LUC7L3: variants seen among roughly 807,000 people sequenced by gnomAD.
The protein encoded by LUC7L3 is luc7-like protein 3.
A neutral mutation model predicts 66.8 loss-of-function variants in LUC7L3; 6 were observed. The ratio of observed to expected loss-of-function variants is 0.09; its 90% CI spans 0.05 to 0.18. The LOEUF (loss-of-function observed/expected upper bound fraction) is 0.18. Ranked by LOEUF, LUC7L3 falls within the 10% of genes least tolerant of loss-of-function variation. The pLI, the probability that LUC7L3 is intolerant of heterozygous loss-of-function variation, is 1.00. For missense variants in LUC7L3, 341 were observed against 531.1 expected (o/e 0.64, Z 3.52); for synonymous variants, 160 against 174.7 (o/e 0.92, Z 0.66).
At chr17:50,740,172 T>C in intron 2 of LUC7L3, 134 bp from the exon 3 acceptor site, 1 of 666,976 alleles carries the variant, frequency 1.5e-6, no homozygotes, top group Non-Finnish European at 2.6e-6. Context: ...TAGGATCAGT[T>C]TAGATGTCTA....
At position 50,751,023 on chromosome 17, in the gene LUC7L3, GTTT is replaced by G. The variant is rs11385262; in HGVS notation, c.*371_*373del. 4.2e-6 allele frequency: 5 copies of G among 1,187,556 alleles called. No homozygotes were observed. The highest frequency in any genetic ancestry group is 3.7e-5 in the South Asian group (2 of 53,966). The allele number at this position is 1,187,556 out of a possible 1,614,324, so 73.6% of individuals were successfully genotyped here. A position where few individuals can be genotyped will look rare whatever the true frequency, so the allele number is the denominator to read the frequency against. ...TTTTTTTTAATAAAAAGGTTGAACT[GTTT>G]TTTTTTTTCTTTTTGGTATTAAGTC... On this transcript the variant is annotated 3_prime_UTR_variant, in exon 10 of 10. Transcript: ENST00000505658.
chr17:50,727,168 TCC>T (rs1392788580), intron 1 of LUC7L3, among the ~76,000 whole-genome samples: 19 of 152,218 alleles, frequency 1.2e-4, no homozygotes, highest in Non-Finnish European at 1.9e-4. Context: ...TTGTAAGGCT[TCC>T]AGTCAGTGGT....
intron 1 of LUC7L3, among the ~76,000 whole-genome samples, chr17:50,726,844 C>CT (rs775445799): frequency 6.6e-6 from 1 of 151,998 alleles, no homozygotes; most frequent in Non-Finnish European, 1.5e-5. Context: ...AATCCCAGCA[C>CT]TTTGGGAGGC....
rs1970497168 is a variant in LUC7L3, at chr17:50,743,750, G to A, written c.471G>A (p.Gly157=). 6.2e-7 allele frequency: 1 copy of A among 1,613,954 alleles called. No homozygotes were observed. Among genetic ancestry groups the A allele is most frequent in the Non-Finnish European group, 8.5e-7 (1 of 1,179,890 alleles). Residue 157 remains glycine (G), a synonymous_variant, in exon 6 of 10, where the codon GGG becomes GGA. Transcript: ENST00000505658. ...GSEGKVEEAQ[G]MMKLVEQLKE... ...AAGGAAAAGTAGAAGAAGCCCAGGG[G>A]ATGATGAAATTAGTTGAGCAATTAA...
At chr17:50,746,397 AT>A in intron 8 of LUC7L3, 144 bp from the exon 9 acceptor site, 1 of 754,504 alleles carries the variant, frequency 1.3e-6, no homozygotes. Flanking sequence ...AAGATTTTCA[AT>A]AATTTTTAGT....
chr17:50,745,185 G>A (rs1970590457), intron 7 of LUC7L3, among the ~76,000 whole-genome samples: 2 of 151,980 alleles, frequency 1.3e-5, no homozygotes, highest in South Asian at 2.1e-4. Context: ...TAGAGACGGG[G>A]TTTTTTCCTG....
intron 7 of LUC7L3, 120 bp downstream of exon 7, chr17:50,744,933 T>A: frequency 1.3e-6 from 1 of 741,086 alleles, no homozygotes; most frequent in Non-Finnish European, 2.1e-6. Context: ...TGCCTCAGCC[T>A]CCTGAGTAGC....
chr17:50,753,087 T>C lies in LUC7L3; in HGVS notation c.*2426T>C. 6.6e-6 allele frequency: 1 copy of C among 152,168 alleles called. No homozygotes were observed. The highest frequency in any genetic ancestry group is 1.9e-4 in the East Asian group (1 of 5,196). 9.4% of individuals were successfully genotyped at this position (152,168 alleles called of 1,614,324 possible). A position where few individuals can be genotyped will look rare whatever the true frequency, so the allele number is the denominator to read the frequency against. On this transcript the variant is annotated 3_prime_UTR_variant, in exon 10 of 10. Coordinates refer to ENST00000505658, the MANE Select transcript of LUC7L3 (RefSeq NM_016424.5). The stretch of plus-strand genomic sequence containing the variant: ...TAAATGTATTTGTGTATAGGGTGTG[T>C]AGTATATATGGCAAGGGTTTTTTCC...
chr17:50,744,494 C>G (rs1166586895), intron 6 of LUC7L3, among the ~76,000 whole-genome samples, 158 bp from the exon 7 acceptor site: 4 of 152,218 alleles, frequency 2.6e-5, no homozygotes, highest in African/African-American at 9.6e-5. Flanking sequence ...AAACATCCCT[C>G]TCTAAAAGTT....
chr17:50,744,369 A>G (rs1970532924), intron 6 of LUC7L3, among the ~76,000 whole-genome samples: 1 of 152,256 alleles, frequency 6.6e-6, no homozygotes, highest in Admixed American at 6.5e-5. Flanking sequence ...ATACTAAAAT[A>G]GGTGGCTTTC....
rs1971059091 is a variant in LUC7L3, at chr17:50,753,752, A to G, written c.*3091A>G. Reference sequence around the variant, plus strand: ...TTTAAACCATATTCTGTCCCTAAGTAATAAAAAATCTAGGAAGTTACTAAA... The same window carrying G: ...TTTAAACCATATTCTGTCCCTAAGTGATAAAAAATCTAGGAAGTTACTAAA... On this transcript the variant is annotated 3_prime_UTR_variant, in exon 10 of 10. Transcript: ENST00000505658. The G allele has an allele frequency of 6.6e-6, 1 of 152,202 alleles. No homozygotes were observed. Among genetic ancestry groups the G allele is most frequent in the South Asian group, 2.1e-4 (1 of 4,836 alleles). The allele number at this position is 152,202 out of a possible 1,614,324, so 9.4% of individuals were successfully genotyped here.
chr17:50,741,315 T>C, intron 4 of LUC7L3, 69 bp downstream of exon 4: 1 of 1,445,646 alleles, frequency 6.9e-7, no homozygotes, highest in Non-Finnish European at 9.4e-7. Context: ...CTCCCTAATA[T>C]TTTTGAAACT....
intron 9 of LUC7L3, among the ~76,000 whole-genome samples, chr17:50,747,232 C>CTTTTTTTTTTTTTTTTT (rs757254602): frequency 3.9e-5 from 4 of 102,986 alleles, no homozygotes; most frequent in Non-Finnish European, 5.4e-5. Flanking sequence ...TTTTCTTTTT[C>CTTTTTTTTTTTTTTTTT]TTTTTTTTTT....
In LUC7L3 at chr17:50,743,542, A is replaced by T; in HGVS notation, c.427-164A>T. 5.3e-6 allele frequency: 3 copies of T among 564,364 alleles called. No homozygotes were observed. The South Asian group carries it at 6.4e-5, about 12-fold the overall frequency. 35.0% of individuals were successfully genotyped at this position (564,364 alleles called of 1,614,324 possible). ...TTTCTTAACACATCAGTTATACTTT[A>T]TTGAAGTATAAAAAAAATCCAGGAT... On this transcript the variant is annotated intron_variant, in intron 5 of 9. Coordinates refer to ENST00000505658, the MANE Select transcript of LUC7L3 (RefSeq NM_016424.5).
chr17:50,748,347 C>G (rs557054600), intron 9 of LUC7L3: 1 of 151,924 alleles, frequency 6.6e-6, no homozygotes, highest in African/African-American at 2.4e-5. Flanking sequence ...CAGACAGGGT[C>G]TCAGTGTCAC....
At chr17:50,723,915 G>C in intron 1 of LUC7L3, 1 of 453,374 alleles carries the variant, frequency 2.2e-6, no homozygotes, top group South Asian at 1.6e-5. Flanking sequence ...GGTTACAGGC[G>C]TGAGCCACTG....
chr17:50,739,767 A>G (rs561247295), intron 2 of LUC7L3, among the ~76,000 whole-genome samples: 15 of 152,324 alleles, frequency 9.8e-5, no homozygotes, highest in Middle Eastern at 3.4e-3. Context: ...CCAAGTGTTT[A>G]TTTATCCAAA....
intron 1 of LUC7L3, chr17:50,722,179 C>G (rs1285532300): frequency 7.3e-6 from 1 of 136,564 alleles, no homozygotes; most frequent in Non-Finnish European, 1.6e-5. Context: ...TTTATGGCTC[C>G]TCTTATGCAT....
chr17:50,733,441 G>A (rs1333859488), intron 1 of LUC7L3, among the ~76,000 whole-genome samples: 4 of 122,560 alleles, frequency 3.3e-5, no homozygotes, highest in African/African-American at 1.3e-4. Context: ...TCCCTCTGTC[G>A]CCCAGGCTGG....
Sources: allele counts gnomAD v4.1 joint callset (sites outside exome capture counted in the v4.1 genomes callset), GRCh38; gene constraint gnomAD v4.1.1; transcripts MANE v1.5; gene names NCBI Gene and HGNC (gene_info 2026-07-23, HGNC 2026-07-21).